The following MYO9A variants were observed in gnomAD, a reference collection of about 807,000 sequenced individuals.
MYO9A encodes the protein myosin IXA.
MYO9A carries 103 observed loss-of-function variants against 293.3 expected under a neutral mutation model. The observed-to-expected ratio is 0.35, with a 90% CI of 0.30 to 0.41. MYO9A has a LOEUF of 0.41. Ranked by LOEUF, MYO9A falls within the 10% of genes least tolerant of loss-of-function variation. The pLI, the probability that MYO9A is intolerant of heterozygous loss-of-function variation, is 1.00. For synonymous variants in MYO9A, 1,001 were observed against 1,035.7 expected, an observed-to-expected ratio of 0.97 and a Z score of 0.64; for missense variants, 2,685 against 3,033.0, an observed-to-expected ratio of 0.89 and a Z score of 2.69.
intron 10 of MYO9A, among the ~76,000 whole-genome samples, chr15:71,992,955 A>G (rs970208783): frequency 4.6e-5 from 7 of 152,128 alleles, no homozygotes; most frequent in African/African-American, 1.7e-4. Flanking sequence ...AATCAGAAAA[A>G]GATGGTATAA....
chr15:72,001,420 G>A lies in MYO9A; in HGVS notation c.1381-1480C>T, dbSNP rs1596352715. The stretch of plus-strand genomic sequence containing the variant: ...AATACAAAAATTAGCCAGATGTGGT[G>A]GTGCACACCTGTAATCACAGCTACT... On this transcript the variant is annotated intron_variant, in intron 8 of 41. Coordinates refer to ENST00000356056, the MANE Select transcript of MYO9A (RefSeq NM_006901.4). Among the ~76,000 whole-genome samples, 5 of 151,816 alleles carry A rather than the reference G, an allele frequency of 3.3e-5. 1 individual carries two copies. The South Asian group carries it at 1.0e-3, about 32-fold the overall frequency.
At chr15:71,928,057 T>TATATATATATATATA (rs1491302118) in intron 18 of MYO9A, among the ~76,000 whole-genome samples, 27 of 4,484 alleles carry the variant, frequency 6.0e-3, no homozygotes, top group South Asian at 0.029. Context: ...TATATATATA[T>TATATATATATATATA]TTTTTTTTTT....
intron 1 of MYO9A, among the ~76,000 whole-genome samples, chr15:72,078,514 CA>C (rs1336293240): frequency 6.6e-6 from 1 of 151,416 alleles, no homozygotes; most frequent in African/African-American, 2.4e-5. Context: ...TACCTCCACC[CA>C]AAAACCTGCA....
intron 13 of MYO9A, among the ~76,000 whole-genome samples, chr15:71,966,771 C>T (rs1201636518): frequency 6.6e-6 from 1 of 152,190 alleles, no homozygotes; most frequent in Non-Finnish European, 1.5e-5. Context: ...TCCACTCTTA[C>T]CCTCTGCTAT....
At chr15:71,835,917 A>G (rs1041311498) in intron 39 of MYO9A, among the ~76,000 whole-genome samples, 1 of 152,106 alleles carries the variant, frequency 6.6e-6, no homozygotes, top group Non-Finnish European at 1.5e-5. Flanking sequence ...GCACCTAGAA[A>G]CAGACCCACA....
In MYO9A at chr15:71,879,717, T is replaced by G. The variant is rs1180990428; in HGVS notation, c.5739+4A>C. ...TAAATATCTCCTAACATAGTCCAAC[T>G]CACCGCCAATGCAGATGAATAAAAG... On this transcript the variant is annotated splice_donor_region_variant and intron_variant, in intron 30 of 41. Transcript: ENST00000356056. 3.1e-6 allele frequency: 5 copies of G among 1,598,288 alleles called. No homozygotes were observed. The highest frequency in any genetic ancestry group is 4.3e-6 in the Non-Finnish European group (5 of 1,166,114).
rs183156147 is a variant in MYO9A, at chr15:71,898,625, C to A, written c.3878G>T (p.Arg1293Leu). ...TGAAGGAGAAATACCACCAAGAGAACGAACTTTCAGCAATTCTAAGCTAAA... is the reference window on the plus strand; with the variant it reads ...TGAAGGAGAAATACCACCAAGAGAAAGAACTTTCAGCAATTCTAAGCTAAA... Reference protein sequence around the residue: ...AIFSLELLKVRSLGGISPSED... With the variant: ...AIFSLELLKVLSLGGISPSED... The change falls in exon 25 of 42, where the codon CGT (arginine) becomes CTT (leucine). Residue 1293 changes from arginine (R) to leucine (L), a missense_variant. This residue lies in a region of MYO9A where 1,434 missense variants were observed against 1,497.7 expected (regional missense o/e 0.96). Coordinates refer to ENST00000356056, the MANE Select transcript of MYO9A (RefSeq NM_006901.4). 1 of 1,614,122 alleles carries A rather than the reference C, an allele frequency of 6.2e-7. No homozygotes were observed. Among genetic ancestry groups the A allele is most frequent in the Non-Finnish European group, 8.5e-7 (1 of 1,180,008 alleles).
At chr15:72,100,976 T>C (rs1280947331) in intron 1 of MYO9A, among the ~76,000 whole-genome samples, 1 of 96,754 alleles carries the variant, frequency 1.0e-5, no homozygotes, top group African/African-American at 3.9e-5. Flanking sequence ...GGTGGGGGGG[T>C]CAGCCCCCCG....
chr15:71,893,147 G>A, intron 26 of MYO9A: 1 of 1,284,120 alleles, frequency 7.8e-7, no homozygotes, highest in Non-Finnish European at 1.0e-6. Context: ...CGCGCCATTC[G>A]AGCTTTCTTT....
chr15:71,913,103 T>G (rs565132816), intron 19 of MYO9A, among the ~76,000 whole-genome samples: 1 of 152,132 alleles, frequency 6.6e-6, no homozygotes, highest in South Asian at 2.1e-4. Context: ...CTCCTGAGAT[T>G]CCAATTACAT....
intron 1 of MYO9A, among the ~76,000 whole-genome samples, chr15:72,072,904 TAAAA>T (rs945563428): frequency 6.6e-6 from 1 of 150,928 alleles, no homozygotes; most frequent in East Asian, 1.9e-4. Context: ...AAATTTAAAA[TAAAA>T]AAAAAGACAC....
At chr15:71,941,142 A>G (rs530132724) in intron 15 of MYO9A, among the ~76,000 whole-genome samples, 8 of 152,190 alleles carry the variant, frequency 5.3e-5, no homozygotes, top group Non-Finnish European at 1.0e-4. Context: ...CCATTTAAAA[A>G]TCATCAGATC....
At chr15:72,014,654 C>T (rs561043236) in intron 6 of MYO9A, among the ~76,000 whole-genome samples, 1 of 150,390 alleles carries the variant, frequency 6.6e-6, no homozygotes, top group East Asian at 2.0e-4. Flanking sequence ...CCACTGTGCT[C>T]CAGCCTAGGT....
At chr15:72,027,329 A>T (rs538299855) in intron 4 of MYO9A, among the ~76,000 whole-genome samples, 1 of 152,354 alleles carries the variant, frequency 6.6e-6, no homozygotes, top group South Asian at 2.1e-4. Context: ...TTATTTCTCC[A>T]TCTGAAGGAT....
At chr15:71,928,115 G>A (rs1394072660) in intron 18 of MYO9A, among the ~76,000 whole-genome samples, 2 of 88,350 alleles carry the variant, frequency 2.3e-5, no homozygotes, top group Non-Finnish European at 4.4e-5. Flanking sequence ...CTGTCGCCCA[G>A]GCCGGACTGC....
At chr15:71,952,612 A>G (rs1264034636) in intron 14 of MYO9A, among the ~76,000 whole-genome samples, 4 of 152,198 alleles carry the variant, frequency 2.6e-5, no homozygotes, top group African/African-American at 9.6e-5. Context: ...GATGAGTGCC[A>G]TAAATATTAG....
intron 9 of MYO9A, among the ~76,000 whole-genome samples, chr15:71,997,169 AT>A (rs879676909): frequency 1.3e-5 from 2 of 151,764 alleles, no homozygotes; most frequent in East Asian, 1.9e-4. Context: ...ACAAATTAAG[AT>A]TTTTTTTTCT....
At chr15:71,921,185 A>T (rs2058146675) in intron 18 of MYO9A, among the ~76,000 whole-genome samples, 1 of 152,206 alleles carries the variant, frequency 6.6e-6, no homozygotes, top group African/African-American at 2.4e-5. Flanking sequence ...AACAAGAAAA[A>T]TGGGAAAGTA....
intron 4 of MYO9A, among the ~76,000 whole-genome samples, chr15:72,024,471 C>T (rs1414801206): frequency 6.6e-6 from 1 of 152,064 alleles, no homozygotes; most frequent in Non-Finnish European, 1.5e-5. Context: ...AAGGTTTTGC[C>T]ATGTTGTCTA....
Sources: allele counts gnomAD v4.1 joint callset (sites outside exome capture counted in the v4.1 genomes callset), GRCh38; gene constraint gnomAD v4.1.1; regional missense constraint gnomAD v4.1.1; transcripts MANE v1.5; gene names NCBI Gene and HGNC (gene_info 2026-07-23, HGNC 2026-07-21).